Variants in TMEM232 observed in about 807,000 individuals in gnomAD.
TMEM232 encodes transmembrane protein 232.
Under a neutral mutation model 78.8 loss-of-function variants are expected in TMEM232, and 80 were observed. The observed-to-expected ratio is 1.01, with a 90% CI of 0.85 to 1.22. The LOEUF is 1.22. Among genes scored for constraint, TMEM232 ranks in the 50% most tolerant of loss-of-function variants. The pLI is 0.00. For synonymous variants in TMEM232, 297 were observed against 254.3 expected (o/e 1.17, Z -1.60); for missense variants, 881 against 742.2 (o/e 1.19, Z -2.17).
At chr5:110,445,018 C>T (rs1759490744) in intron 12 of TMEM232, among the ~76,000 whole-genome samples, 1 of 151,818 alleles carries the variant, frequency 6.6e-6, no homozygotes, top group South Asian at 2.1e-4. Flanking sequence ...TGTCTAGGAA[C>T]TCTTTCTTTC....
intron 11 of TMEM232, among the ~76,000 whole-genome samples, chr5:110,544,015 A>C (rs904492207): frequency 6.6e-6 from 1 of 152,170 alleles, no homozygotes; most frequent in Non-Finnish European, 1.5e-5. Context: ...CATCTTTTAC[A>C]ACAGATTCCA....
intron 10 of TMEM232, among the ~76,000 whole-genome samples, chr5:110,585,126 G>T (rs1421225037): frequency 6.6e-6 from 1 of 152,076 alleles, no homozygotes; most frequent in Non-Finnish European, 1.5e-5. Flanking sequence ...TCTTAAGTAG[G>T]TGAAGACCTT....
At chr5:110,690,190 T>A (rs1283299486) in intron 1 of TMEM232, among the ~76,000 whole-genome samples, 6 of 152,064 alleles carry the variant, frequency 3.9e-5, no homozygotes, top group Non-Finnish European at 1.5e-5. Context: ...ATCATCAGAG[T>A]GAACAGGCAA....
chr5:110,532,474 A>C (rs1454558340), intron 11 of TMEM232, among the ~76,000 whole-genome samples: 2 of 151,938 alleles, frequency 1.3e-5, no homozygotes, highest in Admixed American at 6.6e-5. Flanking sequence ...CCTTGCCTCC[A>C]TAACTGTTGT....
chr5:110,444,344 G>A (rs1304028207), intron 12 of TMEM232, among the ~76,000 whole-genome samples: 3 of 152,064 alleles, frequency 2.0e-5, no homozygotes, highest in Admixed American at 2.0e-4. Context: ...TCTCCACTGT[G>A]ACAGGGCTGC....
upstream of TMEM232, among the ~76,000 whole-genome samples, chr5:110,728,713 C>T (rs1424307601): frequency 6.8e-6 from 1 of 146,750 alleles, no homozygotes; most frequent in Admixed American, 6.9e-5. Flanking sequence ...TATATATATA[C>T]CTATATATAT....
At chr5:110,657,859 T>A (rs1034181260) in intron 2 of TMEM232, among the ~76,000 whole-genome samples, 1 of 152,056 alleles carries the variant, frequency 6.6e-6, no homozygotes, top group Non-Finnish European at 1.5e-5. Context: ...AATCAATATA[T>A]AGAGAAACAA....
chr5:110,394,581 C>T (rs1483889413), intron 3 of TMEM232, among the ~76,000 whole-genome samples: 1 of 152,160 alleles, frequency 6.6e-6, no homozygotes, highest in Non-Finnish European at 1.5e-5. Flanking sequence ...CAGCTATAAA[C>T]TTTACTGTTA....
chr5:110,456,927 A>C (rs921927963), intron 12 of TMEM232, among the ~76,000 whole-genome samples: 8 of 152,124 alleles, frequency 5.3e-5, no homozygotes, highest in Admixed American at 2.6e-4. Flanking sequence ...TAAAACTTCT[A>C]CAAGGAAATG....
At chr5:110,618,288 G>T (rs1426401570) in intron 8 of TMEM232, 141 bp downstream of exon 8, 5 of 1,009,360 alleles carry the variant, frequency 5.0e-6, no homozygotes, top group Non-Finnish European at 7.1e-6. Context: ...CATGTAAATT[G>T]CCATTGCCTT....
At chr5:110,730,606 C>T (rs1348567307), upstream of TMEM232, among the ~76,000 whole-genome samples, 1 of 152,134 alleles carries the variant, frequency 6.6e-6, no homozygotes, top group African/African-American at 2.4e-5. Flanking sequence ...AAAGGCACTT[C>T]TTACATGGTG....
intron 10 of TMEM232, 140 bp from the exon 11 acceptor site, chr5:110,568,765 C>A: frequency 1.2e-6 from 1 of 834,950 alleles, no homozygotes; most frequent in Non-Finnish European, 1.7e-6. Context: ...GTGGAAATTT[C>A]TGACCCTTCA....
chr5:110,517,530 A>T (rs1768854212), intron 12 of TMEM232, among the ~76,000 whole-genome samples: 1 of 152,212 alleles, frequency 6.6e-6, no homozygotes, highest in Non-Finnish European at 1.5e-5. Flanking sequence ...CTGTAGCTCC[A>T]TTCCACTCAC....
At chr5:110,427,413 T>A (rs956624081) in intron 12 of TMEM232, among the ~76,000 whole-genome samples, 1 of 151,968 alleles carries the variant, frequency 6.6e-6, no homozygotes, top group Non-Finnish European at 1.5e-5. Context: ...AGCTGTATTA[T>A]CAATTGTAAG....
At chr5:110,616,725 G>A (rs1440551308) in intron 8 of TMEM232, among the ~76,000 whole-genome samples, 2 of 152,022 alleles carry the variant, frequency 1.3e-5, no homozygotes, top group Admixed American at 6.6e-5. Flanking sequence ...CTAATCATAA[G>A]GGAAAGGCAA....
chr5:110,680,683 G>A (rs1350625110), intron 1 of TMEM232, among the ~76,000 whole-genome samples: 3 of 151,926 alleles, frequency 2.0e-5, no homozygotes, highest in Non-Finnish European at 4.4e-5. Flanking sequence ...TATAGGATGA[G>A]CATGCTAGAT....
chr5:110,680,392 A>C (rs912880602), intron 1 of TMEM232, among the ~76,000 whole-genome samples: 28 of 129,398 alleles, frequency 2.2e-4, no homozygotes, highest in Non-Finnish European at 3.9e-4. Context: ...GTGAGACTCT[A>C]TCTCAAAAAA....
intron 12 of TMEM232, among the ~76,000 whole-genome samples, chr5:110,513,245 C>T (rs909126168): frequency 2.0e-4 from 31 of 152,132 alleles, no homozygotes; most frequent in African/African-American, 7.5e-4. Context: ...AACCTCTAAG[C>T]TTCCAATAGC....
In TMEM232 at chr5:110,642,292, C is replaced by A; in HGVS notation, c.205G>T (p.Glu69Ter). 3.3e-6 allele frequency: 5 copies of A among 1,538,228 alleles called. No individual in the cohort carries two copies. The highest frequency in any genetic ancestry group is 4.4e-6 in the Non-Finnish European group (5 of 1,142,116). The change falls in exon 3 of 14, where the codon GAA becomes TAA. Residue 69 changes from glutamate (E) to a stop codon, truncating the protein, a stop_gained. Transcript: ENST00000455884. LOFTEE classifies it high-confidence loss of function. The part of the protein sequence containing the change: ...QNSKEKEELL[E>*]LARKIILRCK... ...CTGAGAATGATTTTTCTAGCTAGTT[C>A]CAACAATTCTTCCTTCTCTTTGGAA...
Sources: gnomAD v4.1 joint callset for allele counts (sites outside exome capture counted in the v4.1 genomes callset) on GRCh38, gnomAD v4.1.1 for gene constraint, MANE v1.5 for transcripts, NCBI Gene and HGNC (gene_info 2026-07-23, HGNC 2026-07-21) for gene names.